ADGRL3: variants seen among roughly 807,000 people sequenced by gnomAD.
ADGRL3 encodes adhesion G protein-coupled receptor L3.
In ADGRL3, 62 loss-of-function variants were observed where a neutral mutation model predicts 153.5. The observed-to-expected ratio is 0.40, with a 90% CI of 0.33 to 0.50. ADGRL3 has a LOEUF of 0.50. ADGRL3 is among the 20% of genes least tolerant of loss of function. ADGRL3 has a pLI of 0.47. For missense variants in ADGRL3, 1,641 were observed against 1,859.4 expected (o/e 0.88, Z 2.16); for synonymous variants, 710 against 672.5 (o/e 1.06, Z -0.86).
intron 1 of ADGRL3, among the ~76,000 whole-genome samples, chr4:61,325,396 G>A (rs1248905530): frequency 6.6e-6 from 1 of 152,168 alleles, no homozygotes; most frequent in African/African-American, 2.4e-5. Flanking sequence ...TATTTATGTT[G>A]TAGAGCAGTA....
At chr4:62,022,269 G>C (rs2099241636) in intron 21 of ADGRL3, among the ~76,000 whole-genome samples, 1 of 152,178 alleles carries the variant, frequency 6.6e-6, no homozygotes, top group Non-Finnish European at 1.5e-5. Flanking sequence ...TCAGTTCTAT[G>C]AAGGCTGAGA....
chr4:61,427,132 C>T (rs2097292806), intron 2 of ADGRL3: 1 of 152,234 alleles, frequency 6.6e-6, no homozygotes, highest in South Asian at 2.1e-4. Flanking sequence ...GGGTGCAGAG[C>T]TCAACACAAG....
At chr4:61,886,021 C>T (rs181792914) in intron 9 of ADGRL3, among the ~76,000 whole-genome samples, 7 of 152,182 alleles carry the variant, frequency 4.6e-5, no homozygotes, top group Admixed American at 4.6e-4. Flanking sequence ...AAACAGATAG[C>T]TTCCTCAATA....
In ADGRL3 at chr4:62,017,544, A is replaced by G. The variant is rs942610220; in HGVS notation, c.3396-11311A>G. Among the ~76,000 whole-genome samples the G allele has an allele frequency of 2.1e-4, 32 of 151,994 alleles. No homozygotes were observed. In the East Asian group the frequency reaches 5.8e-3, roughly 28 times the overall value. On this transcript the variant is annotated intron_variant, in intron 21 of 26. Transcript: ENST00000683033. Reference sequence around the variant, plus strand: ...TAATTGATTATGATGTTTATGCACCATTACATTTTGTTATTTAATAGCTTA... The same window carrying G: ...TAATTGATTATGATGTTTATGCACCGTTACATTTTGTTATTTAATAGCTTA...
At position 61,552,356 on chromosome 4, in the gene ADGRL3, G is replaced by A. The variant is rs150368324; in HGVS notation, c.259+34838G>A. Among the ~76,000 whole-genome samples, 204 of 152,126 alleles carry A rather than the reference G, an allele frequency of 1.3e-3. 1 individual carries two copies. Among genetic ancestry groups the A allele is most frequent in the African/African-American group, 4.4e-3 (183 of 41,500 alleles). Reference sequence around the variant, plus strand: ...ATTTTTTCTTTATAAGAAAATCCCCGGAAGATCACCAAACTATATCACTGG... The same window carrying A: ...ATTTTTTCTTTATAAGAAAATCCCCAGAAGATCACCAAACTATATCACTGG... On this transcript the variant is annotated intron_variant, in intron 4 of 26. Coordinates refer to ENST00000683033, the MANE Select transcript of ADGRL3 (RefSeq NM_001387552.1).
intron 1 of ADGRL3, among the ~76,000 whole-genome samples, chr4:61,300,585 A>G (rs982728854): frequency 6.6e-6 from 1 of 152,086 alleles, no homozygotes; most frequent in African/African-American, 2.4e-5. Flanking sequence ...AATTATTATA[A>G]AAGTTGAGTA....
At chr4:62,053,257 G>A (rs535312999) in intron 25 of ADGRL3, among the ~76,000 whole-genome samples, 11 of 151,504 alleles carry the variant, frequency 7.3e-5, no homozygotes, top group South Asian at 2.1e-4. Context: ...AGAGAAAAAG[G>A]CCTCATTGGA....
chr4:61,853,929 T>A (rs2098236263), intron 9 of ADGRL3, among the ~76,000 whole-genome samples: 1 of 152,202 alleles, frequency 6.6e-6, no homozygotes, highest in Non-Finnish European at 1.5e-5. Flanking sequence ...ACTTAAGAGA[T>A]CTATTACTTG....
At chr4:61,470,653 C>T (rs2097938959) in intron 2 of ADGRL3, among the ~76,000 whole-genome samples, 1 of 151,552 alleles carries the variant, frequency 6.6e-6, no homozygotes, top group African/African-American at 2.4e-5. Context: ...GGGAATTTAC[C>T]AAATTAAAGA....
intron 1 of ADGRL3, among the ~76,000 whole-genome samples, chr4:61,331,917 T>A (rs1379975827): frequency 1.3e-5 from 2 of 152,046 alleles, no homozygotes; most frequent in South Asian, 2.1e-4. Context: ...CATTATAATA[T>A]TAATGAGAGA....
intron 8 of ADGRL3, among the ~76,000 whole-genome samples, chr4:61,763,126 A>C (rs534109618): frequency 6.7e-6 from 1 of 149,800 alleles, no homozygotes; most frequent in African/African-American, 2.5e-5. Flanking sequence ...TTGCATAAAG[A>C]TTTTTTTTCT....
chr4:61,301,497 T>A (rs1455956234), intron 1 of ADGRL3, among the ~76,000 whole-genome samples: 1 of 152,190 alleles, frequency 6.6e-6, no homozygotes, highest in Non-Finnish European at 1.5e-5. Flanking sequence ...GTCCAAATGT[T>A]TTCTCACGTT....
chr4:61,764,806 G>T (rs2096956333), intron 8 of ADGRL3, among the ~76,000 whole-genome samples: 1 of 151,858 alleles, frequency 6.6e-6, no homozygotes, highest in African/African-American at 2.4e-5. Context: ...TGTTTCTCAG[G>T]GCTGCTTCAA....
chr4:61,659,052 G>T (rs182364662), intron 5 of ADGRL3, among the ~76,000 whole-genome samples: 329 of 152,252 alleles, frequency 2.2e-3, no homozygotes, highest in African/African-American at 7.3e-3. Context: ...TTAATCCTTA[G>T]CATTCTTTGA....
At chr4:61,792,409 A>G (rs527587831) in intron 8 of ADGRL3, among the ~76,000 whole-genome samples, 2 of 151,518 alleles carry the variant, frequency 1.3e-5, no homozygotes, top group East Asian at 1.9e-4. Flanking sequence ...TCATATCACT[A>G]TCAACATTTT....
intron 1 of ADGRL3, among the ~76,000 whole-genome samples, chr4:61,267,058 T>A (rs1408714413): frequency 2.0e-5 from 3 of 151,798 alleles, no homozygotes; most frequent in Non-Finnish European, 3.0e-5. Flanking sequence ...TTGAATGTCA[T>A]ACTTAAAACA....
At chr4:61,437,555 A>G (rs1210995323) in intron 2 of ADGRL3, among the ~76,000 whole-genome samples, 3 of 152,162 alleles carry the variant, frequency 2.0e-5, no homozygotes, top group African/African-American at 7.2e-5. Context: ...TTTACATGAA[A>G]GGTTTAACCT....
At chr4:61,643,403 C>T (rs2093788607) in intron 5 of ADGRL3, among the ~76,000 whole-genome samples, 1 of 151,734 alleles carries the variant, frequency 6.6e-6, no homozygotes, top group Admixed American at 6.6e-5. Flanking sequence ...TTTGCCCATT[C>T]AGTATGATAT....
chr4:61,528,282 T>C (rs1478141367), intron 4 of ADGRL3, among the ~76,000 whole-genome samples: 1 of 152,144 alleles, frequency 6.6e-6, no homozygotes, highest in East Asian at 1.9e-4. Flanking sequence ...CTTTTCTCTG[T>C]TTTATTCTGT....
Sources: gnomAD v4.1 joint callset for allele counts (sites outside exome capture counted in the v4.1 genomes callset) on GRCh38, gnomAD v4.1.1 for gene constraint, MANE v1.5 for transcripts, NCBI Gene and HGNC (gene_info 2026-07-23, HGNC 2026-07-21) for gene names.